EPB41L4B: variants seen among roughly 807,000 people sequenced by gnomAD.
The protein encoded by EPB41L4B is erythrocyte membrane protein band 4.1 like 4B.
EPB41L4B carries 30 observed loss-of-function variants against 112.5 expected under a neutral mutation model. That is an observed-to-expected ratio of 0.27 (90% CI 0.20 to 0.36). The LOEUF (loss-of-function observed/expected upper bound fraction) is 0.36, where lower values mean the gene tolerates loss of function less well. Ranked by LOEUF, EPB41L4B falls within the 10% of genes least tolerant of loss-of-function variation. The probability of loss-of-function intolerance (pLI) is 1.00; values close to 1 mark genes in which losing one functional copy is unlikely to be tolerated. For synonymous variants in EPB41L4B, 408 were observed against 439.7 expected, an observed-to-expected ratio of 0.93 and a Z score of 0.90; for missense variants, 1,024 against 1,133.3, an observed-to-expected ratio of 0.90 and a Z score of 1.38.
chr9:109,302,095 C>T (rs1227113078), intron 1 of EPB41L4B, among the ~76,000 whole-genome samples: 2 of 152,082 alleles, frequency 1.3e-5, no homozygotes, highest in African/African-American at 2.4e-5. Context: ...CAAGGTAGAC[C>T]GAAACTGGGT....
At chr9:109,299,519 A>G (rs148323276) in intron 1 of EPB41L4B, among the ~76,000 whole-genome samples, 119 of 152,082 alleles carry the variant, frequency 7.8e-4, no homozygotes, top group African/African-American at 2.5e-3. Flanking sequence ...CCTGGCCCCA[A>G]GAGATTCTCT....
At chr9:109,309,753 C>CAG (rs1420623789) in intron 1 of EPB41L4B, among the ~76,000 whole-genome samples, 54 of 137,530 alleles carry the variant, frequency 3.9e-4, no homozygotes, top group Middle Eastern at 3.6e-3. Context: ...GAAATACACA[C>CAG]ACAGAGAGAG....
chr9:109,237,748 G>A (rs1304917677), intron 15 of EPB41L4B, among the ~76,000 whole-genome samples: 2 of 152,104 alleles, frequency 1.3e-5, no homozygotes, highest in African/African-American at 2.4e-5. Flanking sequence ...AAGGTTACCA[G>A]CCCTGGTGTG....
Position 109,194,323 on chromosome 9 carries a change from G to A in EPB41L4B, c.2120C>T (p.Thr707Met), listed in dbSNP as rs1404090240. Residue 707 changes from threonine to methionine, a missense_variant, in exon 21 of 26, where the codon ACG becomes ATG. By Grantham distance (81) the Thr-to-Met change is moderately conservative. Transcript: ENST00000374566. ...VTTSTTTNTT[T>M]AATQVSVPLP... ...CGGCACGGAGACTTGTGTGGCGGCC[G>A]TTGTGGTGTTTGTGGTTGTAGATGT... 1.4e-5 allele frequency: 22 copies of A among 1,614,086 alleles called. No individual in the cohort carries two copies. Among genetic ancestry groups the A allele is most frequent in the Middle Eastern group, 1.6e-4 (1 of 6,080 alleles).
chr9:109,190,980 C>T lies in EPB41L4B; in HGVS notation c.2301+1298G>A, dbSNP rs7020556. ...CAGCAGCATCCAGGACACTGACTTG[C>T]GGAGGCAGGCCTGGTCCCCTGAGAT... On this transcript the variant is annotated intron_variant, in intron 22 of 25. Transcript: ENST00000374566. Among the ~76,000 whole-genome samples, 843 of 152,280 alleles carry T rather than the reference C, an allele frequency of 5.5e-3. 12 individuals carry two copies. Among genetic ancestry groups the T allele is most frequent in the South Asian group, 0.022 (106 of 4,824 alleles).
intron 3 of EPB41L4B, among the ~76,000 whole-genome samples, chr9:109,268,172 G>C (rs1047065580): frequency 6.6e-6 from 1 of 152,214 alleles, no homozygotes; most frequent in South Asian, 2.1e-4. Flanking sequence ...TTTCAAATGA[G>C]AGCACAGTTG....
At chr9:109,273,939 C>T (rs1835720792) in intron 2 of EPB41L4B, among the ~76,000 whole-genome samples, 1 of 152,116 alleles carries the variant, frequency 6.6e-6, no homozygotes, top group African/African-American at 2.4e-5. Flanking sequence ...CAGTAGTGTC[C>T]ACACAAGTGG....
chr9:109,200,198 AGTT>A, intron 20 of EPB41L4B, 35 bp downstream of exon 20: 2 of 1,521,418 alleles, frequency 1.3e-6, no homozygotes, highest in Non-Finnish European at 1.8e-6. Context: ...TAGTCATCAT[AGTT>A]GTTTTAATTG....
chr9:109,273,552 G>A (rs936257755), intron 2 of EPB41L4B, among the ~76,000 whole-genome samples: 1 of 152,188 alleles, frequency 6.6e-6, no homozygotes, highest in African/African-American at 2.4e-5. Flanking sequence ...ACGCCCTGTG[G>A]CATTTCTTGA....
At position 109,192,349 on chromosome 9, in the gene EPB41L4B, A is replaced by G. The variant is rs777350505; in HGVS notation, c.2230T>C (p.Ser744Pro). ...GLLSPGAKSP[S>P]DRGGAFTLEP... ...AGGGTAAAGGCACCTCCTCGGTCAGAGGGGCTCTAGGGAGACAGACAAACA... is the reference window on the plus strand; with the variant it reads ...AGGGTAAAGGCACCTCCTCGGTCAGGGGGGCTCTAGGGAGACAGACAAACA... The change falls in exon 22 of 26, where the codon TCT (serine) becomes CCT (proline). Residue 744 changes from serine (S) to proline (P), a missense_variant. Physicochemically the swap from Ser to Pro is moderately conservative, Grantham distance 74. Transcript: ENST00000374566. 6.2e-7 allele frequency: 1 copy of G among 1,603,372 alleles called. No homozygotes were observed. Among genetic ancestry groups the G allele is most frequent in the Admixed American group, 1.8e-5 (1 of 57,070 alleles).
chr9:109,217,061 G>A lies in EPB41L4B; in HGVS notation c.1494C>T (p.Thr498=), dbSNP rs371113396. Residue 498 remains threonine (T), a synonymous_variant, in exon 16 of 26, where the codon ACC becomes ACT. Transcript: ENST00000374566. ...IEENGGTPFL[T]AASGRHHHQH... ...GGTGGTGATGCCTTCCTGAAGCTGC[G>A]GTGAGGAACGGTGTGCCCCCATTCT... is the stretch of plus-strand genomic sequence containing the variant. 109 of 1,614,176 alleles carry A rather than the reference G, an allele frequency of 6.8e-5. No homozygotes were observed. The African/African-American group carries it at 1.1e-3, about 17-fold the overall frequency.
At chr9:109,187,329 G>A (rs1046812775) in intron 22 of EPB41L4B, among the ~76,000 whole-genome samples, 4 of 152,080 alleles carry the variant, frequency 2.6e-5, no homozygotes. Flanking sequence ...AATTTCCAAA[G>A]GGCTTTTTAC....
intron 14 of EPB41L4B, among the ~76,000 whole-genome samples, chr9:109,244,465 TTAC>T (rs1834473663): frequency 1.5e-5 from 1 of 68,626 alleles, no homozygotes; most frequent in Non-Finnish European, 2.6e-5. Context: ...TTTTTTTTTT[TTAC>T]AGAGTCTCAC....
intron 12 of EPB41L4B, among the ~76,000 whole-genome samples, chr9:109,252,187 C>A (rs903118847): frequency 4.6e-5 from 7 of 152,208 alleles, no homozygotes; most frequent in African/African-American, 1.7e-4. Context: ...GGGTCCCTCC[C>A]TTTGTGCTGT....
At chr9:109,281,029 C>G (rs1257789701) in intron 1 of EPB41L4B, among the ~76,000 whole-genome samples, 3 of 152,050 alleles carry the variant, frequency 2.0e-5, no homozygotes, top group African/African-American at 7.2e-5. Context: ...AGGCATAAAG[C>G]CTCATGACTT....
chr9:109,238,257 T>C (rs1186032620), intron 15 of EPB41L4B, among the ~76,000 whole-genome samples: 1 of 152,178 alleles, frequency 6.6e-6, no homozygotes, highest in Non-Finnish European at 1.5e-5. Flanking sequence ...GTGGCTGGAC[T>C]TTCTTCTGCC....
intron 3 of EPB41L4B, among the ~76,000 whole-genome samples, 188 bp from the exon 4 acceptor site, chr9:109,267,739 T>C (rs1291261314): frequency 6.6e-6 from 1 of 152,238 alleles, no homozygotes; most frequent in African/African-American, 2.4e-5. Context: ...TGGACTTTTG[T>C]GCTGACTAAG....
At position 109,267,465 on chromosome 9, in the gene EPB41L4B, T is replaced by C; in HGVS notation, c.533+8A>G. 1.2e-6 allele frequency: 2 copies of C among 1,601,608 alleles called. No individual in the cohort carries two copies. Reference sequence around the variant, plus strand: ...CTGGGCGGGAGCTTGTTCTGCATCGTGGCCTACCTTGTAAACTCCTCACGA... The same window carrying C: ...CTGGGCGGGAGCTTGTTCTGCATCGCGGCCTACCTTGTAAACTCCTCACGA... On this transcript the variant is annotated splice_region_variant and intron_variant, in intron 4 of 25. Transcript: ENST00000374566.
At chr9:109,262,450 G>T (rs866268198) in intron 6 of EPB41L4B, among the ~76,000 whole-genome samples, 133 of 10,124 alleles carry the variant, frequency 0.013, no homozygotes, top group African/African-American at 0.028. Context: ...GGTGTGTGTG[G>T]GGGTGTGTGT....
Sources: allele counts gnomAD v4.1 joint callset (sites outside exome capture counted in the v4.1 genomes callset), GRCh38; gene constraint gnomAD v4.1.1; transcripts MANE v1.5; gene names NCBI Gene and HGNC (gene_info 2026-07-23, HGNC 2026-07-21).